Variants in LRMDA observed in about 807,000 individuals in gnomAD.
The protein encoded by LRMDA is leucine-rich melanocyte differentiation-associated protein.
Under a neutral mutation model 29.8 loss-of-function variants are expected in LRMDA, and 18 were observed. The observed-to-expected ratio is 0.60, with a 90% CI of 0.42 to 0.90. The LOEUF (loss-of-function observed/expected upper bound fraction) is 0.90. Ranked by LOEUF, LRMDA falls within the 40% of genes least tolerant of loss-of-function variation. The probability of loss-of-function intolerance (pLI) is 0.00; values close to 1 mark genes in which losing one functional copy is unlikely to be tolerated. For synonymous variants in LRMDA, 125 were observed against 109.4 expected, an observed-to-expected ratio of 1.14 and a Z score of -0.89; for missense variants, 273 against 273.9, an observed-to-expected ratio of 1.00 and a Z score of 0.02.
chr10:75,992,372 C>T (rs1047003176), intron 2 of LRMDA, among the ~76,000 whole-genome samples: 7 of 152,288 alleles, frequency 4.6e-5, no homozygotes, highest in African/African-American at 1.7e-4. Flanking sequence ...TGACAGACAA[C>T]ATTTAGGCGT....
At chr10:75,992,441 G>A (rs777645661) in intron 2 of LRMDA, among the ~76,000 whole-genome samples, 28 of 152,156 alleles carry the variant, frequency 1.8e-4, no homozygotes, top group Non-Finnish European at 2.1e-4. Context: ...GTGTGCTGCC[G>A]TGACTCCAGC....
intron 5 of LRMDA, among the ~76,000 whole-genome samples, chr10:76,128,945 C>T (rs974583894): frequency 6.6e-6 from 1 of 152,118 alleles, no homozygotes; most frequent in African/African-American, 2.4e-5. Context: ...CAGTGGAGTC[C>T]AATTGGAGAC....
At chr10:76,293,321 A>G (rs1400500610) in intron 5 of LRMDA, among the ~76,000 whole-genome samples, 1 of 152,174 alleles carries the variant, frequency 6.6e-6, no homozygotes, top group African/African-American at 2.4e-5. Context: ...TTAGGCAAAT[A>G]TGTTATCTCT....
At chr10:76,555,977 A>T (rs1843552232) in intron 6 of LRMDA, among the ~76,000 whole-genome samples, 1 of 152,198 alleles carries the variant, frequency 6.6e-6, no homozygotes, top group African/African-American at 2.4e-5. Flanking sequence ...ACTCTGTCCA[A>T]CTGAATTTAA....
At chr10:76,550,802 A>G (rs1370854188) in intron 6 of LRMDA, among the ~76,000 whole-genome samples, 1 of 152,162 alleles carries the variant, frequency 6.6e-6, no homozygotes, top group African/African-American at 2.4e-5. Context: ...CTGCTTCCAC[A>G]CAATCCCTTC....
chr10:76,290,703 T>G (rs576363100), intron 5 of LRMDA, among the ~76,000 whole-genome samples: 2 of 152,222 alleles, frequency 1.3e-5, no homozygotes, highest in South Asian at 2.1e-4. Flanking sequence ...ATTACAGGCC[T>G]GAGCCACTGC....
rs551883746 is a variant in LRMDA, at chr10:76,204,587, T to C, written c.517-119814T>C. 1.6e-3 allele frequency among the ~76,000 whole-genome samples: 237 copies of C among 152,372 alleles called. 1 individual carries two copies. Among genetic ancestry groups the C allele is most frequent in the Non-Finnish European group, 2.2e-3 (147 of 68,038 alleles). ...ACAAGGTTATATCATTTACCCAATGTCCTCAGATGGTATAGGGGAAAATTA... is the reference window on the plus strand; with the variant it reads ...ACAAGGTTATATCATTTACCCAATGCCCTCAGATGGTATAGGGGAAAATTA... On this transcript the variant is annotated intron_variant, in intron 5 of 6. Transcript: ENST00000611255.
intron 2 of LRMDA, among the ~76,000 whole-genome samples, chr10:75,454,921 G>A (rs566992640): frequency 2.0e-5 from 3 of 152,170 alleles, no homozygotes; most frequent in Admixed American, 6.5e-5. Flanking sequence ...GTTCCAACTC[G>A]TGTCGTGAAG....
At chr10:75,601,905 T>A (rs757885004) in intron 2 of LRMDA, among the ~76,000 whole-genome samples, 2 of 152,202 alleles carry the variant, frequency 1.3e-5, no homozygotes, top group Non-Finnish European at 2.9e-5. Flanking sequence ...ATGTATGAAT[T>A]TTGACTTATG....
chr10:76,552,126 C>T (rs997959750), intron 6 of LRMDA, among the ~76,000 whole-genome samples: 20 of 152,218 alleles, frequency 1.3e-4, no homozygotes, highest in African/African-American at 4.8e-4. Context: ...TTCTATTTTA[C>T]AAATATAAAT....
intron 5 of LRMDA, among the ~76,000 whole-genome samples, chr10:76,233,465 C>T (rs1361887858): frequency 6.6e-6 from 1 of 152,132 alleles, no homozygotes; most frequent in Non-Finnish European, 1.5e-5. Context: ...ATGGCTGTGA[C>T]AATTTCTTAA....
At chr10:75,498,718 C>T (rs939669989) in intron 2 of LRMDA, among the ~76,000 whole-genome samples, 1 of 152,018 alleles carries the variant, frequency 6.6e-6, no homozygotes, top group Non-Finnish European at 1.5e-5. Context: ...ACCATAATAG[C>T]CTGCAAATAT....
intron 2 of LRMDA, among the ~76,000 whole-genome samples, chr10:75,988,324 C>T (rs1222548878): frequency 6.6e-6 from 1 of 152,120 alleles, no homozygotes; most frequent in Non-Finnish European, 1.5e-5. Flanking sequence ...CTTCCTCCCT[C>T]CAGCCTCCAC....
At chr10:76,425,159 G>A (rs749438836) in intron 6 of LRMDA, among the ~76,000 whole-genome samples, 1 of 151,968 alleles carries the variant, frequency 6.6e-6, no homozygotes, top group Non-Finnish European at 1.5e-5. Flanking sequence ...ATAACAGATC[G>A]CCATCAAATT....
At chr10:76,062,012 G>T (rs182922480) in intron 5 of LRMDA, among the ~76,000 whole-genome samples, 1 of 152,176 alleles carries the variant, frequency 6.6e-6, no homozygotes, top group Non-Finnish European at 1.5e-5. Context: ...TCCCATGCAG[G>T]TGTGTATACC....
intron 2 of LRMDA, among the ~76,000 whole-genome samples, chr10:75,849,391 T>G (rs983240674): frequency 1.7e-4 from 26 of 152,080 alleles, no homozygotes; most frequent in African/African-American, 5.1e-4. Context: ...AAAAAAAAAT[T>G]GTACATATAT....
At chr10:76,261,982 C>T (rs927085334) in intron 5 of LRMDA, among the ~76,000 whole-genome samples, 2 of 152,082 alleles carry the variant, frequency 1.3e-5, no homozygotes, top group Non-Finnish European at 2.9e-5. Flanking sequence ...CATGTAATCC[C>T]AGCTACTTGA....
chr10:75,514,594 G>A (rs570993171), intron 2 of LRMDA, among the ~76,000 whole-genome samples: 4 of 152,122 alleles, frequency 2.6e-5, no homozygotes, highest in Non-Finnish European at 5.9e-5. Context: ...GCTTGATACT[G>A]TCCTTGTGGT....
chr10:75,749,473 CACAT>C (rs1842927265), intron 2 of LRMDA, among the ~76,000 whole-genome samples: 1 of 151,992 alleles, frequency 6.6e-6, no homozygotes, highest in African/African-American at 2.4e-5. Flanking sequence ...TACATACACA[CACAT>C]ATATATCTGT....
Sources: allele counts gnomAD v4.1 joint callset (sites outside exome capture counted in the v4.1 genomes callset), GRCh38; gene constraint gnomAD v4.1.1; transcripts MANE v1.5; gene names NCBI Gene and HGNC (gene_info 2026-07-23, HGNC 2026-07-21).